KIF15: variants seen among roughly 807,000 people sequenced by gnomAD.
KIF15 encodes kinesin-like protein KIF15.
In KIF15, 140 loss-of-function variants were observed where a neutral mutation model predicts 190.6. The observed-to-expected ratio is 0.73, with a 90% CI of 0.64 to 0.84. The LOEUF is 0.84. Among genes scored for constraint, KIF15 ranks in the 40% least tolerant of loss-of-function variants. The pLI is 0.00. For synonymous variants in KIF15, 528 were observed against 551.3 expected (o/e 0.96, Z 0.59); for missense variants, 1,372 against 1,584.4 (o/e 0.87, Z 2.28).
At chr3:44,784,273 G>C (rs1201583011) in intron 5 of KIF15, among the ~76,000 whole-genome samples, 1 of 152,092 alleles carries the variant, frequency 6.6e-6, no homozygotes, top group East Asian at 1.9e-4. Flanking sequence ...CCAGGTTCAC[G>C]CCATTCTCCT....
intron 14 of KIF15, among the ~76,000 whole-genome samples, chr3:44,804,797 A>AT (rs1707417639): frequency 1.3e-5 from 2 of 152,066 alleles, no homozygotes; most frequent in Non-Finnish European, 2.9e-5. Context: ...GTGTCCTGTT[A>AT]TTTTTGCTTG....
At chr3:44,771,651 AATG>A (rs1705645173) in intron 1 of KIF15, among the ~76,000 whole-genome samples, 1 of 152,234 alleles carries the variant, frequency 6.6e-6, no homozygotes, top group Non-Finnish European at 1.5e-5. Context: ...ATTTTGTCAA[AATG>A]ATGACTCAGA....
At chr3:44,844,637 C>G (rs1698762005) in intron 30 of KIF15, among the ~76,000 whole-genome samples, 2 of 152,284 alleles carry the variant, frequency 1.3e-5, no homozygotes, top group African/African-American at 4.8e-5. Flanking sequence ...TCTTTCTTCC[C>G]ACTACCAACA....
chr3:44,852,746 C>A lies in KIF15; in HGVS notation c.*11C>A. On this transcript the variant is annotated 3_prime_UTR_variant, in exon 35 of 35. Transcript: ENST00000326047. ...AGAAGTGAATCTTGAGGATTCCGGT[C>A]AGCTACCTAGGCATCACCTTGTTTG... is the stretch of plus-strand genomic sequence containing the variant. 1.3e-6 allele frequency: 2 copies of A among 1,588,186 alleles called. No homozygotes were observed. The highest frequency in any genetic ancestry group is 2.3e-5 in the South Asian group (2 of 85,162).
intron 1 of KIF15, among the ~76,000 whole-genome samples, chr3:44,767,799 G>A (rs1467138302): frequency 3.3e-5 from 5 of 151,340 alleles, no homozygotes; most frequent in Non-Finnish European, 7.4e-5. Context: ...GGAGGCTGAG[G>A]CAGGAGAATG....
At chr3:44,835,009 TTAAA>T (rs1444024193) in intron 26 of KIF15, among the ~76,000 whole-genome samples, 3 of 149,696 alleles carry the variant, frequency 2.0e-5, no homozygotes, top group African/African-American at 4.9e-5. Context: ...ATATATAATA[TTAAA>T]TAAACAGTTT....
intron 29 of KIF15, 123 bp from the exon 30 acceptor site, chr3:44,843,002 C>CT: frequency 3.1e-6 from 2 of 644,206 alleles, no homozygotes; most frequent in South Asian, 4.1e-5. Flanking sequence ...TGCAGCAATA[C>CT]CCAGTGCAGT....
chr3:44,794,269 G>A lies in KIF15; in HGVS notation c.692G>A (p.Arg231Lys), dbSNP rs768485215. ...CGTGTGGCATCAACATCAATGAACA[G>A]AGAATCGTCTAGGTCTCATGCCGTC... Reference protein sequence around the residue: ...NRRVASTSMNRESSRSHAVFT... With the variant: ...NRRVASTSMNKESSRSHAVFT... Residue 231 changes from arginine (R) to lysine (K), a missense_variant, in exon 8 of 35, where the codon AGA becomes AAA. Coordinates refer to ENST00000326047, the MANE Select transcript of KIF15 (RefSeq NM_020242.3). 1 of 1,614,086 alleles carries A rather than the reference G, an allele frequency of 6.2e-7. No individual in the cohort carries two copies. Among genetic ancestry groups the A allele is most frequent in the Admixed American group, 1.7e-5 (1 of 60,014 alleles).
intron 28 of KIF15, 24 bp from the exon 29 acceptor site, chr3:44,841,050 G>A (rs781077275): frequency 3.8e-6 from 6 of 1,574,118 alleles, no homozygotes; most frequent in Non-Finnish European, 5.2e-6. Flanking sequence ...TTGGATATTT[G>A]GATGAGATGT....
intron 3 of KIF15, 136 bp from the exon 4 acceptor site, chr3:44,777,975 TTAGA>T (rs1276930449): frequency 7.3e-6 from 5 of 684,868 alleles, no homozygotes; most frequent in Admixed American, 4.4e-5. Flanking sequence ...TTGAATCATC[TTAGA>T]TAGTTTAGCC....
At chr3:44,777,617 G>A (rs1393442873) in intron 3 of KIF15, among the ~76,000 whole-genome samples, 1 of 152,176 alleles carries the variant, frequency 6.6e-6, no homozygotes, top group Admixed American at 6.5e-5. Context: ...CTTGAACCTG[G>A]GAGGCGGAAG....
At chr3:44,866,248 A>T (rs951370487) in intron 6 of KIF15, among the ~76,000 whole-genome samples, 3 of 150,598 alleles carry the variant, frequency 2.0e-5, no homozygotes, top group African/African-American at 7.3e-5. Flanking sequence ...AATTTTTTTT[A>T]TTTTTAGTAG....
intron 6 of KIF15, chr3:44,861,835 G>T: frequency 7.3e-7 from 1 of 1,362,056 alleles, no homozygotes; most frequent in Non-Finnish European, 9.9e-7. Context: ...GGCGTCACAG[G>T]AGCGTCGCGT....
Position 44,852,846 on chromosome 3 carries a change from A to G in KIF15, c.*111A>G. The G allele has an allele frequency of 1.3e-6, 1 of 799,938 alleles. No homozygotes were observed. The highest frequency in any genetic ancestry group is 2.0e-6 in the Non-Finnish European group (1 of 510,970). 49.6% of individuals were successfully genotyped at this position (799,938 alleles called of 1,614,324 possible). A position where few individuals can be genotyped will look rare whatever the true frequency, so the allele number is the denominator to read the frequency against. Reference sequence around the variant, plus strand: ...AGAGCTGAATTTATGGACCTTAATTATTAAATGTTTATAAGGTGGTGGTAA... The same window carrying G: ...AGAGCTGAATTTATGGACCTTAATTGTTAAATGTTTATAAGGTGGTGGTAA... On this transcript the variant is annotated 3_prime_UTR_variant, in exon 35 of 35. Coordinates refer to ENST00000326047, the MANE Select transcript of KIF15 (RefSeq NM_020242.3).
intron 29 of KIF15, among the ~76,000 whole-genome samples, chr3:44,842,527 A>G (rs760955775): frequency 3.9e-5 from 6 of 152,226 alleles, no homozygotes; most frequent in Non-Finnish European, 8.8e-5. Context: ...TTCATGGAGA[A>G]GATTATTCCC....
At chr3:44,777,466 G>A (rs894953102) in intron 3 of KIF15, among the ~76,000 whole-genome samples, 6 of 152,044 alleles carry the variant, frequency 3.9e-5, no homozygotes, top group Admixed American at 1.3e-4. Context: ...GGTGGAGGTG[G>A]GCGGATCACG....
rs1365929375 is a variant in KIF15 at position 44,813,693 on chromosome 3, C to T, written c.2383+513C>T. Among the ~76,000 whole-genome samples the T allele has an allele frequency of 2.1e-5, 3 of 140,004 alleles. No homozygotes were observed. In the East Asian group the frequency reaches 6.6e-4, roughly 31 times the overall value. The allele number at this position is 140,004 out of a possible 152,430, so 91.8% of individuals were successfully genotyped here. On this transcript the variant is annotated intron_variant, in intron 19 of 34. Coordinates refer to ENST00000326047, the MANE Select transcript of KIF15 (RefSeq NM_020242.3). ...CCAGGCTGGAGCGCAGTGGCGGGATCTCGGCGGCTCACTGCAACCTCCAGC... is the reference window on the plus strand; with the variant it reads ...CCAGGCTGGAGCGCAGTGGCGGGATTTCGGCGGCTCACTGCAACCTCCAGC...
intron 22 of KIF15, 136 bp from the exon 23 acceptor site, chr3:44,827,323 C>A (rs543408443): frequency 1.6e-6 from 1 of 607,142 alleles, no homozygotes; most frequent in African/African-American, 1.9e-5. Flanking sequence ...ATTTCTGATC[C>A]CCCCGGAAGG....
intron 6 of KIF15, among the ~76,000 whole-genome samples, chr3:44,858,626 A>G (rs1276424460): frequency 6.6e-6 from 1 of 152,158 alleles, no homozygotes; most frequent in Admixed American, 6.5e-5. Flanking sequence ...AGGGAAGCAG[A>G]TAATTTGGTT....
Sources: gnomAD v4.1 joint callset for allele counts (sites outside exome capture counted in the v4.1 genomes callset) on GRCh38, gnomAD v4.1.1 for gene constraint, MANE v1.5 for transcripts, NCBI Gene and HGNC (gene_info 2026-07-23, HGNC 2026-07-21) for gene names.